Variants in ADAMTS2 observed in about 807,000 individuals in gnomAD.
ADAMTS2 encodes the protein A disintegrin and metalloproteinase with thrombospondin motifs 2.
In ADAMTS2, 50 loss-of-function variants were observed where a neutral mutation model predicts 123.0. That is an observed-to-expected ratio of 0.41 (90% CI 0.32 to 0.51). The LOEUF (loss-of-function observed/expected upper bound fraction) is 0.51, where lower values mean the gene tolerates loss of function less well. Among genes scored for constraint, ADAMTS2 ranks in the 20% least tolerant of loss-of-function variants. The probability of loss-of-function intolerance (pLI) is 0.35; values close to 1 mark genes in which losing one functional copy is unlikely to be tolerated. For synonymous variants in ADAMTS2, 678 were observed against 695.4 expected, an observed-to-expected ratio of 0.98 and a Z score of 0.39; for missense variants, 1,494 against 1,705.2, an observed-to-expected ratio of 0.88 and a Z score of 2.18.
rs754260272 is a variant in ADAMTS2, at chr5:179,130,947, A to G, written c.2291-849T>C. 3.0e-4 allele frequency among the ~76,000 whole-genome samples: 45 copies of G among 152,262 alleles called. No individual in the cohort carries two copies. The highest frequency in any genetic ancestry group is 5.4e-4 in the Non-Finnish European group (37 of 68,020). The stretch of plus-strand genomic sequence containing the variant: ...GGGACAGAAATGTCTTTTTGTTCAG[A>G]AACTGACTTTTCTGTTCACCTGCTT... On this transcript the variant is annotated intron_variant, in intron 15 of 21. Transcript: ENST00000251582. This position sits in a 1 kb window ranked among gnomAD's most constrained non-coding sequence, Gnocchi z 4.3.
At position 179,113,908 on chromosome 5, in the gene ADAMTS2, T is replaced by C; in HGVS notation, c.3595A>G (p.Ile1199Val). ...KTRNQRIQEL[I>V]DEMRKKEMLG... is the part of the protein sequence containing the mutation. ...ATCTCTTTCTTCCGCATCTCATCAA[T>C]GAGCTCTTGGATTCTTTGGTTTCTG... Residue 1199 changes from isoleucine (I) to valine (V), a missense_variant, in exon 22 of 22, where the codon ATT becomes GTT. Transcript: ENST00000251582. The C allele has an allele frequency of 6.2e-7, 1 of 1,614,218 alleles. No individual in the cohort carries two copies. The highest frequency in any genetic ancestry group is 8.5e-7 in the Non-Finnish European group (1 of 1,180,030).
chr5:179,156,310 T>A (rs1408917325), intron 6 of ADAMTS2, among the ~76,000 whole-genome samples: 1 of 152,114 alleles, frequency 6.6e-6, no homozygotes, highest in East Asian at 1.9e-4. Context: ...AATCTTTTTG[T>A]CTTTTGCTCC....
Position 179,202,235 on chromosome 5 carries a change from C to T in ADAMTS2, c.891+5278G>A, listed in dbSNP as rs1207720656. The stretch of plus-strand genomic sequence containing the variant: ...CCCCCTGCTTGACAGGCCAGGCTGC[C>T]TCCATTCTTCCAGCCGGCCCCATTC... On this transcript the variant is annotated intron_variant, in intron 4 of 21. Transcript: ENST00000251582. The surrounding 1 kb of genome is among the most constrained non-coding windows in gnomAD (Gnocchi z 4.0). Among the ~76,000 whole-genome samples the T allele has an allele frequency of 6.6e-6, 1 of 152,130 alleles. No individual in the cohort carries two copies. The highest frequency in any genetic ancestry group is 1.5e-5 in the Non-Finnish European group (1 of 68,018).
intron 3 of ADAMTS2, among the ~76,000 whole-genome samples, chr5:179,252,121 C>T (rs60593161): frequency 0.013 from 1,949 of 151,860 alleles, 36 homozygotes; most frequent in African/African-American, 0.044. Context: ...AATTCTCCTG[C>T]CTCAGCCTCC....
chr5:179,116,734 C>T (rs1762665324), intron 21 of ADAMTS2, among the ~76,000 whole-genome samples: 1 of 152,176 alleles, frequency 6.6e-6, no homozygotes, highest in South Asian at 2.1e-4. Context: ...TGGCAATTTC[C>T]AGGCAAGAAG....
chr5:179,265,060 A>ACAGCAGCATGCTGGGCGGAGCTG (rs1282431948), intron 3 of ADAMTS2, among the ~76,000 whole-genome samples: 1 of 152,158 alleles, frequency 6.6e-6, no homozygotes. Context: ...CCCTGCACCA[A>ACAGCAGCATGCTGGGCGGAGCTG]ACTGCCCGCT....
At position 179,312,546 on chromosome 5, in the gene ADAMTS2, T is replaced by C. The variant is rs2113577618; in HGVS notation, c.534+31221A>G. ...CTTCCGATGCTTTTAAGCCGCTCCG[T>C]TTATGGTATTTGGCTATAGCAGCCT... On this transcript the variant is annotated intron_variant, in intron 2 of 21. Coordinates refer to ENST00000251582, the MANE Select transcript of ADAMTS2 (RefSeq NM_014244.5). This position sits in a 1 kb window ranked among gnomAD's most constrained non-coding sequence, Gnocchi z 4.2. 6.6e-6 allele frequency among the ~76,000 whole-genome samples: 1 copy of C among 152,006 alleles called. No homozygotes were observed. The highest frequency in any genetic ancestry group is 2.4e-5 in the African/African-American group (1 of 41,464).
chr5:179,321,176 C>G (rs1757161128), intron 2 of ADAMTS2, among the ~76,000 whole-genome samples: 1 of 152,164 alleles, frequency 6.6e-6, no homozygotes, highest in African/African-American at 2.4e-5. Context: ...CTCTCCATCT[C>G]CCGGATCCTC....
chr5:179,263,039 T>C (rs9884988), intron 3 of ADAMTS2, among the ~76,000 whole-genome samples: 1,222 of 83,932 alleles, frequency 0.015, no homozygotes, highest in Middle Eastern at 0.042. Context: ...TGGGGAGCAG[T>C]ATTATTCCCC....
intron 2 of ADAMTS2, among the ~76,000 whole-genome samples, chr5:179,302,261 A>G (rs1307922975): frequency 6.6e-6 from 1 of 151,638 alleles, no homozygotes; most frequent in Non-Finnish European, 1.5e-5. Flanking sequence ...GGAGATGGAG[A>G]CCATCCTGGC....
In ADAMTS2 at chr5:179,126,018, TG is replaced by T; in HGVS notation, c.2729del (p.Pro910HisfsTer80). On this transcript the variant is annotated frameshift_variant, in exon 18 of 22. Coordinates refer to ENST00000251582, the MANE Select transcript of ADAMTS2 (RefSeq NM_014244.5). LOFTEE classifies it high-confidence loss of function. ...CTCACACTGGCTGGGAGCATTCCTG[TG>T]GGTTGCACGCTCTGCGGATGGCTTT... ...KPKAIRRACNPQECSQPVWVT... is the reference protein window; with the variant it reads ...KPKAIRRACNXQECSQPVWVT... 6.2e-7 allele frequency: 1 copy of T among 1,613,406 alleles called. No individual in the cohort carries two copies. Among genetic ancestry groups the T allele is most frequent in the Non-Finnish European group, 8.5e-7 (1 of 1,180,006 alleles).
chr5:179,122,915 G>T, intron 19 of ADAMTS2, 142 bp from the exon 20 acceptor site: 1 of 1,358,778 alleles, frequency 7.4e-7, no homozygotes, highest in Non-Finnish European at 1.0e-6. Flanking sequence ...GGGGTTTCAG[G>T]TTGCCTTGCC....
Position 179,312,108 on chromosome 5 carries a change from C to T in ADAMTS2, c.534+31659G>A, listed in dbSNP as rs938702420. Among the ~76,000 whole-genome samples, 1 of 152,176 alleles carries T rather than the reference C, an allele frequency of 6.6e-6. No homozygotes were observed. The highest frequency in any genetic ancestry group is 1.5e-5 in the Non-Finnish European group (1 of 68,030). ...GTCAGACGACCATGGCAGTGGTCAG[C>T]TGAAAAATGGCCCCCGAAGACACGT... On this transcript the variant is annotated intron_variant, in intron 2 of 21. Coordinates refer to ENST00000251582, the MANE Select transcript of ADAMTS2 (RefSeq NM_014244.5). This position sits in a 1 kb window ranked among gnomAD's most constrained non-coding sequence, Gnocchi z 4.2.
chr5:179,274,183 C>T (rs1766628414), intron 2 of ADAMTS2, among the ~76,000 whole-genome samples: 1 of 152,162 alleles, frequency 6.6e-6, no homozygotes, highest in African/African-American at 2.4e-5. Context: ...GTCCACCCAT[C>T]CCATGACAAC....
intron 2 of ADAMTS2, among the ~76,000 whole-genome samples, chr5:179,282,496 C>A (rs973486107): frequency 3.9e-5 from 6 of 152,172 alleles, no homozygotes; most frequent in African/African-American, 1.4e-4. Flanking sequence ...ATATGTCTAT[C>A]CTTCTGCCAA....
At chr5:179,276,798 C>T (rs2113520620) in intron 2 of ADAMTS2, among the ~76,000 whole-genome samples, 1 of 152,310 alleles carries the variant, frequency 6.6e-6, no homozygotes, top group South Asian at 2.1e-4. Flanking sequence ...CCCCTTATGG[C>T]AGCTCCATCT....
At chr5:179,135,272 C>T (rs1763046398) in intron 13 of ADAMTS2, among the ~76,000 whole-genome samples, 1 of 152,208 alleles carries the variant, frequency 6.6e-6, no homozygotes, top group Non-Finnish European at 1.5e-5. Context: ...AAGCCAGAGT[C>T]AGCCTCCACG....
intron 13 of ADAMTS2, 131 bp from the exon 14 acceptor site, chr5:179,133,031 T>C: frequency 8.0e-7 from 1 of 1,256,310 alleles, no homozygotes; most frequent in Non-Finnish European, 1.1e-6. Flanking sequence ...AGCATTGGGA[T>C]TACAGGCGTG....
chr5:179,226,041 C>A (rs1310731768), intron 3 of ADAMTS2, among the ~76,000 whole-genome samples: 2 of 152,162 alleles, frequency 1.3e-5, no homozygotes, highest in Non-Finnish European at 2.9e-5. Context: ...GCCTGCCCGT[C>A]TGTATTCTCC....
Sources: allele counts gnomAD v4.1 joint callset (sites outside exome capture counted in the v4.1 genomes callset), GRCh38; gene constraint gnomAD v4.1.1; non-coding constraint Gnocchi (gnomAD v3.1); transcripts MANE v1.5; gene names NCBI Gene and HGNC (gene_info 2026-07-23, HGNC 2026-07-21).